CTDP1: variants seen among roughly 807,000 people sequenced by gnomAD.
CTDP1 encodes the protein RNA polymerase II subunit A C-terminal domain phosphatase.
A neutral mutation model predicts 91.8 loss-of-function variants in CTDP1; 47 were observed. That is an observed-to-expected ratio of 0.51 (90% confidence interval 0.41 to 0.65). The LOEUF (loss-of-function observed/expected upper bound fraction) is 0.65, where lower values mean the gene tolerates loss of function less well. Among genes scored for constraint, CTDP1 ranks in the 30% least tolerant of loss-of-function variants. The pLI is 0.00. For synonymous variants in CTDP1, 656 were observed against 598.5 expected (o/e 1.10, Z -1.40); for missense variants, 1,272 against 1,373.7 (o/e 0.93, Z 1.17).
rs180701921 is a variant in CTDP1 at position 79,702,209 on chromosome 18, T to C, written c.622-2558T>C. On this transcript the variant is annotated intron_variant, in intron 4 of 12. Transcript: ENST00000613122. The stretch of plus-strand genomic sequence containing the variant: ...TGGGACAAACTTCATTGTCATCTTA[T>C]TTCAAGAAATCATCACAGCCACCCC... Among the ~76,000 whole-genome samples the C allele has an allele frequency of 1.7e-3, 257 of 152,290 alleles. 1 individual carries two copies. The highest frequency in any genetic ancestry group is 1.7e-3 in the Non-Finnish European group (115 of 68,026).
In CTDP1 at chr18:79,717,696, A is replaced by G. The variant is rs776255655; in HGVS notation, c.2210+20A>G. On this transcript the variant is annotated intron_variant, in intron 9 of 12. Coordinates refer to ENST00000613122, the MANE Select transcript of CTDP1 (RefSeq NM_004715.5). ...ACAGAGGTGGGTCCTCGCTGCACCCAGCAGGTCCGTGCCAGGCGTTCCCTT... is the reference window on the plus strand; with the variant it reads ...ACAGAGGTGGGTCCTCGCTGCACCCGGCAGGTCCGTGCCAGGCGTTCCCTT... The G allele has an allele frequency of 3.0e-5, 48 of 1,613,988 alleles. 1 individual carries two copies. In the Middle Eastern group the frequency reaches 6.6e-4, roughly 22 times the overall value.
intron 12 of CTDP1, among the ~76,000 whole-genome samples, chr18:79,743,833 A>C (rs898367761): frequency 6.6e-6 from 1 of 152,242 alleles, no homozygotes; most frequent in African/African-American, 2.4e-5. Flanking sequence ...AGATCATACA[A>C]GTGTGAAAGG....
intron 11 of CTDP1, among the ~76,000 whole-genome samples, chr18:79,734,609 C>G (rs969902195): frequency 6.6e-6 from 1 of 151,164 alleles, no homozygotes; most frequent in Non-Finnish European, 1.5e-5. Flanking sequence ...CCCTCGGGTC[C>G]GTGGGCTGCC....
chr18:79,714,942 CG>C lies in CTDP1; in HGVS notation c.1486del (p.Ala496ArgfsTer144). The C allele has an allele frequency of 6.4e-7, 1 of 1,563,280 alleles. No individual in the cohort carries two copies. Among genetic ancestry groups the C allele is most frequent in the Non-Finnish European group, 8.7e-7 (1 of 1,154,068 alleles). The part of the protein sequence containing the change: ...QKPKAAPEGA[G>X]ALAQGSSLEP... ...AGCCGAAGGCTGCCCCAGAGGGAGC[CG>C]GGGCGCTGGCACAGGGCAGTTCCCT... is the stretch of plus-strand genomic sequence containing the variant. On this transcript the variant is annotated frameshift_variant, in exon 8 of 13. Transcript: ENST00000613122. LOFTEE classifies it high-confidence loss of function.
chr18:79,704,966 C>G, intron 5 of CTDP1, 49 bp downstream of exon 5: 1 of 1,608,874 alleles, frequency 6.2e-7, no homozygotes, highest in Non-Finnish European at 8.5e-7. Context: ...GGGTTTCTTT[C>G]CTGTTTTCGG....
intron 12 of CTDP1, among the ~76,000 whole-genome samples, chr18:79,743,309 T>A: frequency 6.6e-6 from 1 of 152,076 alleles, no homozygotes; most frequent in Non-Finnish European, 1.5e-5. Context: ...GCGGATTGCC[T>A]GAGTTCAGGA....
intron 4 of CTDP1, among the ~76,000 whole-genome samples, chr18:79,701,367 G>A (rs191327419): frequency 0.041 from 6,244 of 151,900 alleles, 199 homozygotes; most frequent in South Asian, 0.16. Context: ...AAAATTAGCC[G>A]GGTGTGGTGG....
chr18:79,739,850 T>TCGGCGCTTGCTCCCTGCCTGCACCACGC lies in CTDP1; in HGVS notation c.2747+3330_2747+3331insGGCGCTTGCTCCCTGCCTGCACCACGCC, dbSNP rs1288194047. On this transcript the variant is annotated intron_variant, in intron 12 of 12. Transcript: ENST00000613122. ...TACCCACGGCCGGGACGGGTGGGAC[T>TCGGCGCTTGCTCCCTGCCTGCACCACGC]CTCATACCCACGGCCGGGACGGGTG... Among the ~76,000 whole-genome samples, 219 of 83,694 alleles carry TCGGCGCTTGCTCCCTGCCTGCACCACGC rather than the reference T, an allele frequency of 2.6e-3. 33 individuals are homozygous for TCGGCGCTTGCTCCCTGCCTGCACCACGC. The highest frequency in any genetic ancestry group is 3.5e-3 in the Non-Finnish European group (139 of 39,928). 54.9% of individuals were successfully genotyped at this position (83,694 alleles called of 152,430 possible).
intron 12 of CTDP1, among the ~76,000 whole-genome samples, chr18:79,745,307 C>CTGTCCCCGCGTCCCTCCCGTGCGG (rs1467386045): frequency 1.5e-5 from 1 of 68,084 alleles, no homozygotes; most frequent in African/African-American, 5.6e-5. Context: ...CTCCCGTGCG[C>CTGTCCCCGCGTCCCTCCCGTGCGG]GTTCTGTCCC....
At chr18:79,692,556 A>T (rs1213652263) in intron 1 of CTDP1, among the ~76,000 whole-genome samples, 1 of 152,250 alleles carries the variant, frequency 6.6e-6, no homozygotes, top group Non-Finnish European at 1.5e-5. Flanking sequence ...TAACATGTTT[A>T]GGAGAGATTG....
intron 1 of CTDP1, among the ~76,000 whole-genome samples, chr18:79,692,442 G>A (rs1350785408): frequency 6.6e-6 from 1 of 152,112 alleles, no homozygotes; most frequent in Non-Finnish European, 1.5e-5. Flanking sequence ...GAGATTCTAG[G>A]TTTTCTGAAC....
rs1402823362 is a variant in CTDP1 at position 79,746,241 on chromosome 18, CCGCG to C, written c.2748-7410_2748-7407del. On this transcript the variant is annotated intron_variant, in intron 12 of 12. Coordinates refer to ENST00000613122, the MANE Select transcript of CTDP1 (RefSeq NM_004715.5). ...CGTCCCTCCCGTGCGCGTTCTGACC[CCGCG>C]TCCCTCCCGTGCGCGTTCTGTGCCC... Among the ~76,000 whole-genome samples, 96 of 51,050 alleles carry C rather than the reference CCGCG, an allele frequency of 1.9e-3. 9 individuals are homozygous for C. The highest frequency in any genetic ancestry group is 4.8e-3 in the South Asian group (6 of 1,242). 33.5% of individuals were successfully genotyped at this position (51,050 alleles called of 152,430 possible). A position where few individuals can be genotyped will look rare whatever the true frequency, so the allele number is the denominator to read the frequency against.
intron 12 of CTDP1, 143 bp from the exon 13 acceptor site, chr18:79,753,509 G>T: frequency 7.0e-6 from 9 of 1,291,504 alleles, no homozygotes; most frequent in Non-Finnish European, 8.8e-6. Context: ...GCCCTGGGTC[G>T]GTGGCCTGTG....
At chr18:79,711,099 C>T (rs942728119) in intron 6 of CTDP1, among the ~76,000 whole-genome samples, 2 of 152,142 alleles carry the variant, frequency 1.3e-5, no homozygotes, top group Non-Finnish European at 2.9e-5. Context: ...ATCCTCTCTG[C>T]CTCGTCTCTG....
In CTDP1 at chr18:79,717,675, A is replaced by C. The variant is rs768555892; in HGVS notation, c.2209A>C (p.Arg737=). ...PLRDDHTKAQ[R]ENSPAAFPDR... is the part of the protein sequence containing the mutation. Reference sequence around the variant, plus strand: ...CAGGGACGATCACACCAAGGCACAGAGGTGGGTCCTCGCTGCACCCAGCAG... The same window carrying C: ...CAGGGACGATCACACCAAGGCACAGCGGTGGGTCCTCGCTGCACCCAGCAG... Residue 737 remains arginine (R), a splice_region_variant and synonymous_variant, in exon 9 of 13, where the codon AGG becomes CGG. Transcript: ENST00000613122. The C allele has an allele frequency of 6.2e-7, 1 of 1,614,004 alleles. No individual in the cohort carries two copies. The highest frequency in any genetic ancestry group is 8.5e-7 in the Non-Finnish European group (1 of 1,179,962).
chr18:79,748,752 G>C (rs1380988563), intron 12 of CTDP1, among the ~76,000 whole-genome samples: 4 of 152,222 alleles, frequency 2.6e-5, no homozygotes, highest in Non-Finnish European at 5.9e-5. Context: ...ACAGAGTCAT[G>C]ATCAGAGGCC....
At chr18:79,716,071 T>A (rs1377403610) in intron 8 of CTDP1, among the ~76,000 whole-genome samples, 4 of 152,194 alleles carry the variant, frequency 2.6e-5, no homozygotes, top group African/African-American at 9.7e-5. Flanking sequence ...AATAGGTGAT[T>A]CTTGAAGGAA....
chr18:79,696,270 T>C (rs1009249057), intron 3 of CTDP1, among the ~76,000 whole-genome samples, 200 bp downstream of exon 3: 1 of 152,026 alleles, frequency 6.6e-6, no homozygotes, highest in African/African-American at 2.4e-5. Context: ...CACAGACAAG[T>C]CTGCCTGCAA....
chr18:79,680,154 C>G lies in CTDP1; in HGVS notation c.207C>G (p.Ala69=). ...CCGGGGCCTCTCAGTCCCGTGTAGC[C>G]TCCGGGGGCTGCGTGCGCCCCGCGC... ...QSSGASQSRV[A]SGGCVRPARP... The change falls in exon 1 of 13, where the codon GCC becomes GCG. Residue 69 remains alanine, a synonymous_variant. Coordinates refer to ENST00000613122, the MANE Select transcript of CTDP1 (RefSeq NM_004715.5). 1 of 1,401,236 alleles carries G rather than the reference C, an allele frequency of 7.1e-7. No homozygotes were observed. Among genetic ancestry groups the G allele is most frequent in the Non-Finnish European group, 9.2e-7 (1 of 1,082,354 alleles). 86.8% of individuals were successfully genotyped at this position (1,401,236 alleles called of 1,614,324 possible).
Sources: allele counts gnomAD v4.1 joint callset (sites outside exome capture counted in the v4.1 genomes callset), GRCh38; gene constraint gnomAD v4.1.1; transcripts MANE v1.5; gene names NCBI Gene and HGNC (gene_info 2026-07-23, HGNC 2026-07-21).